Variants in EML6 observed in about 807,000 individuals in gnomAD.
EML6 encodes the protein echinoderm microtubule-associated protein-like 6.
A neutral mutation model predicts 240.1 loss-of-function variants in EML6; 154 were observed. The observed-to-expected ratio is 0.64, with a 90% confidence interval of 0.56 to 0.73. EML6 has a LOEUF of 0.73. Among genes scored for constraint, EML6 ranks in the 30% least tolerant of loss-of-function variants. The pLI, the probability that EML6 is intolerant of heterozygous loss-of-function variation, is 0.00. For synonymous variants in EML6, 1,148 were observed against 899.0 expected (o/e 1.28, Z -4.95); for missense variants, 2,964 against 2,474.6 (o/e 1.20, Z -4.20).
intron 2 of EML6, chr2:54,748,409 A>G (rs1387765581): frequency 6.6e-6 from 1 of 152,194 alleles, no homozygotes; most frequent in East Asian, 1.9e-4. Flanking sequence ...TCTTCAGGCT[A>G]AAGGGCCAGA....
intron 28 of EML6, among the ~76,000 whole-genome samples, chr2:54,945,580 G>A (rs1675654947): frequency 6.6e-6 from 1 of 152,132 alleles, no homozygotes; most frequent in South Asian, 2.1e-4. Context: ...TGGCTCTCAT[G>A]TTGTACTCAT....
At chr2:54,777,153 T>A (rs930365353) in intron 2 of EML6, among the ~76,000 whole-genome samples, 1 of 152,178 alleles carries the variant, frequency 6.6e-6, no homozygotes, top group Non-Finnish European at 1.5e-5. Flanking sequence ...TTGACCTCAA[T>A]ACTCACAGAA....
rs1019569223 is a variant in EML6, at chr2:54,967,116, A to G, written c.5597+13A>G. The G allele has an allele frequency of 2.6e-6, 4 of 1,532,988 alleles. No individual in the cohort carries two copies. The highest frequency in any genetic ancestry group is 2.8e-5 in the African/African-American group (2 of 72,626). 95.0% of individuals were successfully genotyped at this position (1,532,988 alleles called of 1,614,324 possible). ...CCTCCTGGACAAGGTGACTGACTGG[A>G]AGAAAAAACTTGAGGAAAAGGTCAC... On this transcript the variant is annotated intron_variant, in intron 39 of 41. Coordinates refer to ENST00000356458, the MANE Select transcript of EML6 (RefSeq NM_001039753.4).
At chr2:54,885,309 T>C (rs571441074) in intron 17 of EML6, among the ~76,000 whole-genome samples, 1 of 151,544 alleles carries the variant, frequency 6.6e-6, no homozygotes, top group South Asian at 2.1e-4. Flanking sequence ...TAGCCAGGCA[T>C]GGTGGCACAT....
At chr2:54,848,878 A>G (rs763284047) in intron 9 of EML6, among the ~76,000 whole-genome samples, 2 of 152,232 alleles carry the variant, frequency 1.3e-5, no homozygotes, top group Non-Finnish European at 2.9e-5. Flanking sequence ...TTACATCACA[A>G]TTTAACATTT....
At chr2:54,814,359 T>G (rs112466738) in intron 3 of EML6, among the ~76,000 whole-genome samples, 12 of 152,254 alleles carry the variant, frequency 7.9e-5, no homozygotes, top group African/African-American at 2.9e-4. Flanking sequence ...CAACAACATT[T>G]TCTCTTCTTC....
chr2:54,947,393 G>A (rs1219758788), intron 28 of EML6, among the ~76,000 whole-genome samples: 2 of 152,122 alleles, frequency 1.3e-5, no homozygotes, highest in Non-Finnish European at 2.9e-5. Context: ...CCATTCTTCA[G>A]TGGTGATTAT....
chr2:54,959,600 G>C (rs1475095945), intron 34 of EML6, among the ~76,000 whole-genome samples: 1 of 151,946 alleles, frequency 6.6e-6, no homozygotes, highest in Non-Finnish European at 1.5e-5. Flanking sequence ...TGACTCTACT[G>C]AAAATACAAA....
chr2:54,915,100 C>T (rs1433398841), intron 25 of EML6, among the ~76,000 whole-genome samples: 1 of 152,174 alleles, frequency 6.6e-6, no homozygotes, highest in Admixed American at 6.5e-5. Flanking sequence ...TTAGTTCCAG[C>T]ATTTTCAACA....
intron 17 of EML6, among the ~76,000 whole-genome samples, chr2:54,884,918 A>G (rs1481317029): frequency 6.6e-6 from 1 of 152,208 alleles, no homozygotes; most frequent in East Asian, 1.9e-4. Flanking sequence ...TCATGCCTAT[A>G]ATCCCAGCAC....
intron 28 of EML6, among the ~76,000 whole-genome samples, chr2:54,942,373 G>A (rs1156751822): frequency 3.3e-5 from 5 of 152,152 alleles, no homozygotes; most frequent in Non-Finnish European, 4.4e-5. Context: ...GTGACTCTCC[G>A]AAGACTGTGG....
At chr2:54,939,457 C>A (rs1675314312) in intron 28 of EML6, among the ~76,000 whole-genome samples, 1 of 152,194 alleles carries the variant, frequency 6.6e-6, no homozygotes, top group South Asian at 2.1e-4. Flanking sequence ...AGTTTACTTC[C>A]ATGTGGATGG....
Position 54,959,090 on chromosome 2 carries a change from T to C in EML6, c.4696-14T>C. ...AGTGTGTTCCGGGTGTAGAAGATGT[T>C]GTTTTGTTTACAGAACAATCTCACT... On this transcript the variant is annotated splice_polypyrimidine_tract_variant and intron_variant, in intron 33 of 41. Transcript: ENST00000356458. 4 of 1,546,496 alleles carry C rather than the reference T, an allele frequency of 2.6e-6. No individual in the cohort carries two copies. Among genetic ancestry groups the C allele is most frequent in the Non-Finnish European group, 3.5e-6 (4 of 1,144,422 alleles).
chr2:54,796,283 C>T (rs1669766637), intron 2 of EML6, among the ~76,000 whole-genome samples: 1 of 152,110 alleles, frequency 6.6e-6, no homozygotes, highest in South Asian at 2.1e-4. Context: ...GGAAATATTT[C>T]CTCCTGAATT....
intron 24 of EML6, among the ~76,000 whole-genome samples, chr2:54,908,535 T>C (rs1673468922): frequency 6.6e-6 from 1 of 152,194 alleles, no homozygotes; most frequent in Non-Finnish European, 1.5e-5. Flanking sequence ...GCCAAGGAAC[T>C]GAGTTTAGCA....
chr2:54,964,242 T>G, intron 37 of EML6, 84 bp downstream of exon 37: 1 of 1,398,528 alleles, frequency 7.2e-7, no homozygotes, highest in Admixed American at 2.4e-5. Flanking sequence ...ACGGCTGGAA[T>G]AAAGAACTCA....
chr2:54,962,592 A>G lies in EML6; in HGVS notation c.5038A>G (p.Ile1680Val). ...EVGEKNAASN[I>V]LIDGHMEGEI... ...TGGTGAAAAAAATGCTGCTTCTAAC[A>G]TCCTGATTGATGGTCACATGGAAGG... Residue 1680 changes from isoleucine (I) to valine (V), a missense_variant, in exon 36 of 42, where the codon ATC (isoleucine) becomes GTC (valine). Physicochemically the swap from Ile to Val is conservative, Grantham distance 29 (BLOSUM62 3). Coordinates refer to ENST00000356458, the MANE Select transcript of EML6 (RefSeq NM_001039753.4). The G allele has an allele frequency of 6.5e-7, 1 of 1,550,042 alleles. No individual in the cohort carries two copies. Among genetic ancestry groups the G allele is most frequent in the Non-Finnish European group, 8.7e-7 (1 of 1,146,168 alleles).
intron 27 of EML6, 48 bp from the exon 28 acceptor site, chr2:54,928,577 G>A (rs1408752836): frequency 6.4e-7 from 1 of 1,551,692 alleles, no homozygotes; most frequent in Admixed American, 2.0e-5. Flanking sequence ...CTCCCTTCCT[G>A]GGCCACTGCA....
At chr2:54,964,238 G>A (rs2104545639) in intron 37 of EML6, 80 bp downstream of exon 37, 1 of 1,421,684 alleles carries the variant, frequency 7.0e-7, no homozygotes, top group Non-Finnish European at 9.4e-7. Context: ...AGCCACGGCT[G>A]GAATAAAGAA....
Sources: allele counts gnomAD v4.1 joint callset (sites outside exome capture counted in the v4.1 genomes callset), GRCh38; gene constraint gnomAD v4.1.1; transcripts MANE v1.5; gene names NCBI Gene and HGNC (gene_info 2026-07-23, HGNC 2026-07-21).